Variants in ZFR2 observed in about 807,000 individuals in gnomAD.
ZFR2 encodes zinc finger RNA binding protein 2.
ZFR2 carries 104 observed loss-of-function variants against 105.7 expected under a neutral mutation model. That is an observed-to-expected ratio of 0.98 (90% CI 0.84 to 1.16). The LOEUF (loss-of-function observed/expected upper bound fraction) is 1.16, where lower values mean the gene tolerates loss of function less well. ZFR2 is among the 50% of genes most tolerant of loss of function. ZFR2 has a pLI of 0.00. For synonymous variants in ZFR2, 634 were observed against 597.7 expected, an observed-to-expected ratio of 1.06 and a Z score of -0.89; for missense variants, 1,425 against 1,355.5, an observed-to-expected ratio of 1.05 and a Z score of -0.80.
chr19:3,827,566 C>T lies in ZFR2; in HGVS notation c.940G>A (p.Gly314Arg), dbSNP rs977038829. Residue 314 changes from glycine to arginine, a missense_variant, in exon 6 of 19, where the codon GGG (glycine) becomes AGG (arginine). By Grantham distance (125) the Gly-to-Arg change is moderately radical. Coordinates refer to ENST00000262961, the MANE Select transcript of ZFR2 (RefSeq NM_015174.2). ...TGVQPNGSPR[G>R]VQAQLHCDLC... ...TCGCAATGCAGCTGCGCCTGCACCCCGCGCGGGCTCCCGTTGGGCTGCACG... is the reference window on the plus strand; with the variant it reads ...TCGCAATGCAGCTGCGCCTGCACCCTGCGCGGGCTCCCGTTGGGCTGCACG... The T allele has an allele frequency of 2.0e-5, 31 of 1,567,038 alleles. No homozygotes were observed. The South Asian group carries it at 2.0e-4, about 10-fold the overall frequency.
intron 1 of ZFR2, 94 bp downstream of exon 1, chr19:3,868,871 G>T: frequency 9.4e-7 from 1 of 1,062,350 alleles, no homozygotes; most frequent in Non-Finnish European, 1.2e-6. Context: ...ACTGGGGCCG[G>T]GCCGGGCGCA....
intron 7 of ZFR2, 41 bp downstream of exon 7, chr19:3,825,189 G>T: frequency 7.0e-7 from 1 of 1,423,520 alleles, no homozygotes. Context: ...AGGCGGCCAG[G>T]GCTCTGGTGG....
At chr19:3,865,562 T>G (rs1276508578) in intron 1 of ZFR2, among the ~76,000 whole-genome samples, 4 of 152,006 alleles carry the variant, frequency 2.6e-5, no homozygotes, top group African/African-American at 9.7e-5. Flanking sequence ...CTCATCATTT[T>G]GCCCAGGCTA....
chr19:3,822,717 TAAA>T (rs747109326), intron 8 of ZFR2, among the ~76,000 whole-genome samples: 21 of 152,014 alleles, frequency 1.4e-4, no homozygotes, highest in Admixed American at 2.0e-4. Flanking sequence ...CCCTTTCTCT[TAAA>T]AGAATCCCAG....
chr19:3,811,210 G>A (rs1790668127), intron 15 of ZFR2, 62 bp downstream of exon 15: 2 of 1,443,526 alleles, frequency 1.4e-6, no homozygotes, highest in Non-Finnish European at 1.8e-6. Flanking sequence ...TTGACCTGGT[G>A]CCTCTGAGCT....
chr19:3,807,717 G>A (rs1276252815), intron 17 of ZFR2, among the ~76,000 whole-genome samples: 7 of 149,414 alleles, frequency 4.7e-5, no homozygotes, highest in African/African-American at 7.5e-5. Flanking sequence ...ATGCATGCAC[G>A]GTGTGCCCGT....
intron 1 of ZFR2, among the ~76,000 whole-genome samples, chr19:3,853,279 G>A (rs1026510752): frequency 9.9e-5 from 15 of 152,192 alleles, no homozygotes; most frequent in Admixed American, 9.8e-4. Flanking sequence ...CAGCGTGGGC[G>A]GTCACGCTGA....
chr19:3,812,700 TG>T (rs749857494), intron 14 of ZFR2, among the ~76,000 whole-genome samples: 14 of 152,152 alleles, frequency 9.2e-5, no homozygotes, highest in Admixed American at 5.2e-4. Flanking sequence ...AGTTTTTAGA[TG>T]ACTATTTGTG....
chr19:3,823,692 T>C lies in ZFR2; in HGVS notation c.1214-289A>G, dbSNP rs1457461179. Among the ~76,000 whole-genome samples the C allele has an allele frequency of 1.3e-5, 2 of 152,154 alleles. No homozygotes were observed. The highest frequency in any genetic ancestry group is 2.9e-5 in the Non-Finnish European group (2 of 68,032). ...CCGACAGCACAAAATCCACAGTTAA[T>C]AGACCATGAAGTATCAGGCGGACCA... On this transcript the variant is annotated intron_variant, in intron 7 of 18. Coordinates refer to ENST00000262961, the MANE Select transcript of ZFR2 (RefSeq NM_015174.2). The surrounding 1 kb of genome is among the most constrained non-coding windows in gnomAD (Gnocchi z 5.4).
At chr19:3,827,369 C>A (rs2037962303) in intron 6 of ZFR2, 102 bp downstream of exon 6, 3 of 1,364,728 alleles carry the variant, frequency 2.2e-6, no homozygotes, top group Admixed American at 6.9e-5. Context: ...GGAGGCTTCT[C>A]CCAGCTCCCT....
At position 3,838,073 on chromosome 19, in the gene ZFR2, A is replaced by G. The variant is rs1348412853; in HGVS notation, c.54-3090T>C. On this transcript the variant is annotated intron_variant, in intron 1 of 18. Coordinates refer to ENST00000262961, the MANE Select transcript of ZFR2 (RefSeq NM_015174.2). The surrounding 1 kb of genome is among the most constrained non-coding windows in gnomAD (Gnocchi z 4.9). ...ACCATGACCGTGACACGTGATGAACACCATGACCGTGACACGCGATGAACA... is the reference window on the plus strand; with the variant it reads ...ACCATGACCGTGACACGTGATGAACGCCATGACCGTGACACGCGATGAACA... 6.6e-6 allele frequency among the ~76,000 whole-genome samples: 1 copy of G among 151,754 alleles called. No individual in the cohort carries two copies. Among genetic ancestry groups the G allele is most frequent in the African/African-American group, 2.4e-5 (1 of 41,298 alleles).
chr19:3,866,671 G>A lies in ZFR2; in HGVS notation c.53+2294C>T, dbSNP rs556280275. On this transcript the variant is annotated intron_variant, in intron 1 of 18. Coordinates refer to ENST00000262961, the MANE Select transcript of ZFR2 (RefSeq NM_015174.2). ...CCACGTCTGATGGAAGAATACAATG[G>A]AGAAAGAAAGAAGAGAAAGAGAAAA... 5.3e-5 allele frequency among the ~76,000 whole-genome samples: 8 copies of A among 152,252 alleles called. No homozygotes were observed. In the East Asian group the frequency reaches 1.5e-3, roughly 29 times the overall value.
At chr19:3,826,977 C>T (rs1289958584) in intron 6 of ZFR2, among the ~76,000 whole-genome samples, 1 of 152,108 alleles carries the variant, frequency 6.6e-6, no homozygotes, top group Non-Finnish European at 1.5e-5. Context: ...CACGGTGGCT[C>T]ACGCCTGTAA....
In ZFR2 at chr19:3,858,805, G is replaced by A. The variant is rs2038337322; in HGVS notation, c.53+10160C>T. On this transcript the variant is annotated intron_variant, in intron 1 of 18. Coordinates refer to ENST00000262961, the MANE Select transcript of ZFR2 (RefSeq NM_015174.2). The surrounding 1 kb of genome is among the most constrained non-coding windows in gnomAD (Gnocchi z 4.3). Reference sequence around the variant, plus strand: ...TGTACTCCAGCCTGGGCGACAGAGTGAGACTCCGTCTCAAAAAGAAAAAAC... The same window carrying A: ...TGTACTCCAGCCTGGGCGACAGAGTAAGACTCCGTCTCAAAAAGAAAAAAC... 6.6e-6 allele frequency among the ~76,000 whole-genome samples: 1 copy of A among 152,196 alleles called. No individual in the cohort carries two copies. Among genetic ancestry groups the A allele is most frequent in the African/African-American group, 2.4e-5 (1 of 41,448 alleles).
chr19:3,818,031 G>A (rs1305808768), intron 12 of ZFR2, among the ~76,000 whole-genome samples: 1 of 152,262 alleles, frequency 6.6e-6, no homozygotes, highest in Non-Finnish European at 1.5e-5. Context: ...TGCTTAATTG[G>A]GACAGAGCTT....
intron 1 of ZFR2, among the ~76,000 whole-genome samples, chr19:3,837,445 C>T (rs1282666097): frequency 1.3e-5 from 2 of 151,750 alleles, no homozygotes; most frequent in East Asian, 3.9e-4. Context: ...GACTGTGGAA[C>T]TTGATGAACA....
In ZFR2 at chr19:3,831,518, C is replaced by T. The variant is rs372711804; in HGVS notation, c.637G>A (p.Ala213Thr). 25 of 1,557,296 alleles carry T rather than the reference C, an allele frequency of 1.6e-5. No homozygotes were observed. Among genetic ancestry groups the T allele is most frequent in the Middle Eastern group, 1.7e-4 (1 of 6,002 alleles). Reference protein sequence around the residue: ...YPNYDASVYSAASPFYPPAQP... With the variant: ...YPNYDASVYSTASPFYPPAQP... ...GCTGGAGGATAGAAAGGGCTGGCAGCGGAGTACACCGACGCGTCATAGTTC... is the reference window on the plus strand; with the variant it reads ...GCTGGAGGATAGAAAGGGCTGGCAGTGGAGTACACCGACGCGTCATAGTTC... Residue 213 changes from alanine to threonine, a missense_variant, in exon 5 of 19, where the codon GCT becomes ACT. By Grantham distance (58) the Ala-to-Thr change is moderately conservative (BLOSUM62 0). Coordinates refer to ENST00000262961, the MANE Select transcript of ZFR2 (RefSeq NM_015174.2).
chr19:3,807,568 T>G (rs1468691431), intron 17 of ZFR2, among the ~76,000 whole-genome samples: 3 of 152,008 alleles, frequency 2.0e-5, no homozygotes, highest in South Asian at 4.2e-4. Context: ...TGTGTGTCCA[T>G]GCGTGCCCAT....
rs192057477 is a variant in ZFR2, at chr19:3,845,682, C to T, written c.54-10699G>A. ...TGGTGGTGTGCACCTGTAGTTCCAG[C>T]TACTCAGGAGGCTGAGGAAGGAGGG... On this transcript the variant is annotated intron_variant, in intron 1 of 18. Coordinates refer to ENST00000262961, the MANE Select transcript of ZFR2 (RefSeq NM_015174.2). 8.4e-4 allele frequency among the ~76,000 whole-genome samples: 128 copies of T among 151,498 alleles called. 1 individual carries two copies. The highest frequency in any genetic ancestry group is 2.7e-3 in the Admixed American group (41 of 15,224).
Sources: allele counts gnomAD v4.1 joint callset (sites outside exome capture counted in the v4.1 genomes callset), GRCh38; gene constraint gnomAD v4.1.1; non-coding constraint Gnocchi (gnomAD v3.1); transcripts MANE v1.5; gene names NCBI Gene and HGNC (gene_info 2026-07-23, HGNC 2026-07-21).